Variants in ABL1 observed in about 807,000 individuals in gnomAD.
ABL1 encodes the protein tyrosine-protein kinase ABL1.
ABL1 carries 11 observed loss-of-function variants against 94.7 expected under a neutral mutation model. The observed-to-expected ratio is 0.12, with a 90% CI of 0.07 to 0.19. The LOEUF is 0.19. ABL1 is among the 10% of genes least tolerant of loss of function. The probability of loss-of-function intolerance (pLI) is 1.00; values close to 1 mark genes in which losing one functional copy is unlikely to be tolerated. For missense variants in ABL1, 1,082 were observed against 1,489.4 expected (o/e 0.73, Z 4.50); for synonymous variants, 656 against 622.4 (o/e 1.05, Z -0.80).
rs35030140 is a variant in ABL1 at position 130,779,385 on chromosome 9, A to C, written c.136+64930A>C. 4.1e-3 allele frequency among the ~76,000 whole-genome samples: 623 copies of C among 152,322 alleles called. 6 individuals are homozygous for C. Among genetic ancestry groups the C allele is most frequent in the African/African-American group, 0.014 (593 of 41,562 alleles). Reference sequence around the variant, plus strand: ...TGATGGCAAGGTTGTTTACTATAAAAATTCCATCCTTCTTGCCTCTGTGCT... The same window carrying C: ...TGATGGCAAGGTTGTTTACTATAAACATTCCATCCTTCTTGCCTCTGTGCT... On this transcript the variant is annotated intron_variant, in intron 1 of 10. Coordinates refer to the ABL1 transcript ENST00000372348.
At chr9:130,835,195 A>AAGGCGC (rs1830545514), upstream of ABL1, 1 of 162,324 alleles carries the variant, frequency 6.2e-6, no homozygotes, top group African/African-American at 2.4e-5. The surrounding 1 kb of genome is among the most constrained non-coding windows in gnomAD (Gnocchi z 4.6). Flanking sequence ...GGAGGGGGTT[A>AAGGCGC]AGGCGCAGGC....
intron 1 of ABL1, among the ~76,000 whole-genome samples, chr9:130,847,337 G>T (rs1830788649): frequency 6.6e-6 from 1 of 151,964 alleles, no homozygotes; most frequent in Non-Finnish European, 1.5e-5. Flanking sequence ...AAAAAGATCT[G>T]CTGGAAGAAC....
chr9:130,716,655 G>A (rs1426513787), intron 1 of ABL1, among the ~76,000 whole-genome samples: 2 of 152,204 alleles, frequency 1.3e-5, no homozygotes, highest in South Asian at 2.1e-4. Flanking sequence ...AGACTAAAAA[G>A]TGTATGAAGG....
chr9:130,741,525 A>G (rs1407707988), intron 1 of ABL1, among the ~76,000 whole-genome samples: 1 of 151,788 alleles, frequency 6.6e-6, no homozygotes, highest in Non-Finnish European at 1.5e-5. Flanking sequence ...ACACTGATAT[A>G]CTAGTTACCA....
chr9:130,791,677 C>T (rs1294213197), intron 1 of ABL1, among the ~76,000 whole-genome samples: 10 of 152,154 alleles, frequency 6.6e-5, no homozygotes, highest in Non-Finnish European at 1.3e-4. Flanking sequence ...GTTCTAAGGC[C>T]TTTGGACTCT....
Position 130,714,555 on chromosome 9 carries a change from A to G in ABL1, c.136+100A>G, listed in dbSNP as rs758491294. ...ACAGTACTTGCGACAGTTCCTTCCA[A>G]TTCCACTTAATAAATTTGTTACTGT... On this transcript the variant is annotated intron_variant, in intron 1 of 10. Coordinates refer to the ABL1 transcript ENST00000372348. 29 of 1,459,900 alleles carry G rather than the reference A, an allele frequency of 2.0e-5. No individual in the cohort carries two copies. In the African/African-American group the frequency reaches 2.9e-4, roughly 15 times the overall value. 90.4% of individuals were successfully genotyped at this position (1,459,900 alleles called of 1,614,324 possible).
At chr9:130,735,757 CA>C (rs1414625910) in intron 1 of ABL1, among the ~76,000 whole-genome samples, 2 of 151,212 alleles carry the variant, frequency 1.3e-5, no homozygotes, top group Non-Finnish European at 2.9e-5. Flanking sequence ...AACAGTGCTT[CA>C]GGGGTAACGT....
chr9:130,869,060 G>A (rs1369708877), intron 4 of ABL1, among the ~76,000 whole-genome samples: 2 of 152,096 alleles, frequency 1.3e-5, no homozygotes, highest in South Asian at 2.1e-4. Context: ...CCAGCTACTC[G>A]GGAGGCTGAG....
rs1064161 is a variant in ABL1 at position 130,885,056 on chromosome 9, G to T, written c.2766G>T (p.Ala922=). The T allele has an allele frequency of 6.2e-7, 1 of 1,609,952 alleles. No individual in the cohort carries two copies. The highest frequency in any genetic ancestry group is 1.1e-5 in the South Asian group (1 of 90,876). ...CCTCGCAGAGCCCGAGCCAGGAGGC[G>T]GCCGGGGAGGCAGTCCTGGGCGCAA... ...GKPSQSPSQE[A]AGEAVLGAKT... Residue 922 remains alanine, a synonymous_variant, in exon 11 of 11, where the codon GCG becomes GCT. Transcript: ENST00000318560.
intron 1 of ABL1, among the ~76,000 whole-genome samples, chr9:130,820,692 T>C (rs1300843167): frequency 1.3e-5 from 2 of 152,222 alleles, no homozygotes; most frequent in Non-Finnish European, 2.9e-5. Flanking sequence ...TTTCTGTGTT[T>C]GCAGCTTGGA....
intron 1 of ABL1, among the ~76,000 whole-genome samples, chr9:130,808,745 A>G (rs547897283): frequency 6.6e-6 from 1 of 152,336 alleles, no homozygotes; most frequent in African/African-American, 2.4e-5. Flanking sequence ...TATAAATCCC[A>G]GATTTGTATA....
At position 130,884,248 on chromosome 9, in the gene ABL1, C is replaced by T. The variant is rs1231116230; in HGVS notation, c.1958C>T (p.Thr653Ile). 5.6e-6 allele frequency: 9 copies of T among 1,600,064 alleles called. No individual in the cohort carries two copies. The highest frequency in any genetic ancestry group is 7.7e-6 in the Non-Finnish European group (9 of 1,173,530). ...GCACTGGCTTTCACCCCCTTGGACA[C>T]AGCTGACCCAGCCAAGTCCCCAAAG... ...NGALAFTPLD[T>I]ADPAKSPKPS... Residue 653 changes from threonine (T) to isoleucine (I), a missense_variant, in exon 11 of 11, where the codon ACA becomes ATA. Physicochemically the swap from Thr to Ile is moderately conservative, Grantham distance 89. Around this residue, in one of 7 missense-constraint regions of ABL1, gnomAD observed 780 missense variants for 835.8 expected, o/e 0.93. Coordinates refer to ENST00000318560, the MANE Select transcript of ABL1 (RefSeq NM_005157.6). The surrounding 1 kb of genome is among the most constrained non-coding windows in gnomAD (Gnocchi z 5.6).
chr9:130,715,116 A>G (rs1831421629), intron 1 of ABL1, among the ~76,000 whole-genome samples: 1 of 152,096 alleles, frequency 6.6e-6, no homozygotes, highest in African/African-American at 2.4e-5. Context: ...GTTTAGAATG[A>G]TATTTGGGCC....
At chr9:130,750,192 CATATATATATATATATATATATAT>C (rs56263750) in intron 1 of ABL1, among the ~76,000 whole-genome samples, 2,613 of 106,464 alleles carry the variant, frequency 0.025, 119 homozygotes, top group African/African-American at 0.075. Context: ...AAAAAAAATA[CATATATATATATATATATATATAT>C]ATATATATAT....
At chr9:130,744,610 T>TG (rs935551742) in intron 1 of ABL1, among the ~76,000 whole-genome samples, 1 of 149,304 alleles carries the variant, frequency 6.7e-6, no homozygotes, top group Non-Finnish European at 1.5e-5. Flanking sequence ...CCCAGCATTT[T>TG]GGGGGGCCGA....
At chr9:130,755,918 C>A (rs1832036056) in intron 1 of ABL1, among the ~76,000 whole-genome samples, 1 of 152,142 alleles carries the variant, frequency 6.6e-6, no homozygotes, top group South Asian at 2.1e-4. Context: ...CCTTCAAGGG[C>A]TTCCGTGTGC....
At chr9:130,723,578 C>A (rs1292041321) in intron 1 of ABL1, among the ~76,000 whole-genome samples, 1 of 151,906 alleles carries the variant, frequency 6.6e-6, no homozygotes, top group Non-Finnish European at 1.5e-5. Context: ...AAACAAAAAA[C>A]AAACCTGCTT....
At chr9:130,736,460 G>C (rs1046639726) in intron 1 of ABL1, among the ~76,000 whole-genome samples, 3 of 152,174 alleles carry the variant, frequency 2.0e-5, no homozygotes, top group Admixed American at 1.3e-4. Context: ...TAAATGGTAG[G>C]TCTTCTGTGA....
intron 1 of ABL1, among the ~76,000 whole-genome samples, chr9:130,779,903 G>T (rs950827384): frequency 6.6e-6 from 1 of 152,132 alleles, no homozygotes; most frequent in Non-Finnish European, 1.5e-5. Context: ...CAGCTGCTCT[G>T]CCATTGTATT....
Sources: gnomAD v4.1 joint callset for allele counts (sites outside exome capture counted in the v4.1 genomes callset) on GRCh38, gnomAD v4.1.1 for gene constraint, gnomAD v4.1.1 regional missense constraint, Gnocchi (gnomAD v3.1) non-coding constraint, MANE v1.5 for transcripts, NCBI Gene and HGNC (gene_info 2026-07-23, HGNC 2026-07-21) for gene names.